The following ADAMTS16 variants were observed in gnomAD, a reference collection of about 807,000 sequenced individuals.
ADAMTS16 encodes A disintegrin and metalloproteinase with thrombospondin motifs 16.
ADAMTS16 carries 94 observed loss-of-function variants against 145.8 expected under a neutral mutation model. The ratio of observed to expected loss-of-function variants is 0.64; its 90% CI spans 0.55 to 0.77. The LOEUF (loss-of-function observed/expected upper bound fraction) is 0.77. ADAMTS16 is among the 30% of genes least tolerant of loss of function. The probability of loss-of-function intolerance (pLI) is 0.00; values close to 1 mark genes in which losing one functional copy is unlikely to be tolerated. For missense variants in ADAMTS16, 1,585 were observed against 1,591.5 expected (o/e 1.00, Z 0.07); for synonymous variants, 659 against 604.3 (o/e 1.09, Z -1.33).
intron 9 of ADAMTS16, among the ~76,000 whole-genome samples, chr5:5,204,781 G>C (rs550283739): frequency 5.9e-4 from 90 of 152,298 alleles, no homozygotes; most frequent in Non-Finnish European, 1.1e-3. Flanking sequence ...GTGTACATAG[G>C]AATGGAATTT....
chr5:5,318,774 T>C (rs1734158159), intron 22 of ADAMTS16, among the ~76,000 whole-genome samples: 1 of 152,096 alleles, frequency 6.6e-6, no homozygotes, highest in Non-Finnish European at 1.5e-5. Flanking sequence ...GAGGCTCCAA[T>C]GGGTAGATGC....
At chr5:5,231,522 A>G (rs894209313) in intron 11 of ADAMTS16, among the ~76,000 whole-genome samples, 13 of 152,012 alleles carry the variant, frequency 8.6e-5, no homozygotes, top group Non-Finnish European at 5.9e-5. Context: ...CCCACAGACC[A>G]AGCTCTTCTC....
intron 4 of ADAMTS16, 36 bp downstream of exon 4, chr5:5,182,341 T>G: frequency 6.3e-7 from 1 of 1,583,556 alleles, no homozygotes; most frequent in Non-Finnish European, 8.6e-7. Flanking sequence ...TATTTAGTGA[T>G]GCTGACATTT....
chr5:5,257,943 C>G (rs1335692146), intron 17 of ADAMTS16, among the ~76,000 whole-genome samples: 1 of 152,166 alleles, frequency 6.6e-6, no homozygotes, highest in East Asian at 1.9e-4. Flanking sequence ...GCTCATAAAA[C>G]TCAAGAAGCC....
intron 3 of ADAMTS16, among the ~76,000 whole-genome samples, chr5:5,154,702 C>T (rs1248248769): frequency 1.3e-5 from 2 of 152,092 alleles, no homozygotes; most frequent in African/African-American, 4.8e-5. Flanking sequence ...CTCTGTCCAG[C>T]GATGTTTTCA....
At chr5:5,261,042 G>A (rs563563672) in intron 17 of ADAMTS16, among the ~76,000 whole-genome samples, 2 of 152,262 alleles carry the variant, frequency 1.3e-5, no homozygotes, top group South Asian at 4.1e-4. Flanking sequence ...CTTCTTCATC[G>A]GTATTTCCAA....
At position 5,186,255 on chromosome 5, in the gene ADAMTS16, G is replaced by T; in HGVS notation, c.963+4G>T. 1 of 1,612,748 alleles carries T rather than the reference G, an allele frequency of 6.2e-7. No homozygotes were observed. On this transcript the variant is annotated splice_donor_region_variant and intron_variant, in intron 5 of 22. Transcript: ENST00000274181. ...CGTGCTCACGATACTCAACATGGTA[G>T]GATCATCCTTCCAGTTGAGGCCACC...
At chr5:5,160,756 C>T (rs62339871) in intron 3 of ADAMTS16, among the ~76,000 whole-genome samples, 4 of 76,458 alleles carry the variant, frequency 5.2e-5, no homozygotes, top group Non-Finnish European at 1.1e-4. Flanking sequence ...TAAAAATATA[C>T]CAAAAAAAAA....
At chr5:5,292,283 G>A (rs568088266) in intron 18 of ADAMTS16, among the ~76,000 whole-genome samples, 234 of 152,026 alleles carry the variant, frequency 1.5e-3, no homozygotes, top group African/African-American at 5.4e-3. Flanking sequence ...ATCACCTGAC[G>A]TCAGGAGTTT....
Position 5,163,201 on chromosome 5 carries a change from G to A in ADAMTS16, c.501+16746G>A, listed in dbSNP as rs182440534. ...CTTGCCAGGAACCATCCTTGTCAATGAGTGACAAGCATACACACTGCTATA... is the reference window on the plus strand; with the variant it reads ...CTTGCCAGGAACCATCCTTGTCAATAAGTGACAAGCATACACACTGCTATA... On this transcript the variant is annotated intron_variant, in intron 3 of 22. Coordinates refer to ENST00000274181, the MANE Select transcript of ADAMTS16 (RefSeq NM_139056.4). Among the ~76,000 whole-genome samples the A allele has an allele frequency of 9.2e-5, 14 of 152,290 alleles. No homozygotes were observed. The East Asian group carries it at 2.5e-3, about 27-fold the overall frequency.
At chr5:5,166,384 A>G (rs1278271302) in intron 3 of ADAMTS16, among the ~76,000 whole-genome samples, 1 of 152,166 alleles carries the variant, frequency 6.6e-6, no homozygotes, top group Non-Finnish European at 1.5e-5. Flanking sequence ...CTATCCGATG[A>G]CCACTGTGTG....
At chr5:5,275,069 A>G (rs1056072452) in intron 18 of ADAMTS16, among the ~76,000 whole-genome samples, 2 of 152,234 alleles carry the variant, frequency 1.3e-5, no homozygotes, top group African/African-American at 4.8e-5. Context: ...ATTACTGCAA[A>G]TGTGCTCATA....
At chr5:5,247,700 T>C (rs1737494785) in intron 17 of ADAMTS16, among the ~76,000 whole-genome samples, 1 of 152,192 alleles carries the variant, frequency 6.6e-6, no homozygotes, top group African/African-American at 2.4e-5. Flanking sequence ...GTCTGCAAAT[T>C]TGGAGCCCTA....
intron 18 of ADAMTS16, among the ~76,000 whole-genome samples, chr5:5,275,565 T>C (rs1237815908): frequency 6.6e-6 from 1 of 152,194 alleles, no homozygotes; most frequent in South Asian, 2.1e-4. Context: ...TTTCTCTTAG[T>C]TTTACTTTAC....
chr5:5,230,504 C>T (rs1736890804), intron 11 of ADAMTS16, among the ~76,000 whole-genome samples: 1 of 152,050 alleles, frequency 6.6e-6, no homozygotes, highest in Admixed American at 6.5e-5. Context: ...GTCTGGGAGT[C>T]AGTGTTGGGA....
In ADAMTS16 at chr5:5,317,913, G is replaced by A. The variant is rs1405767457; in HGVS notation, c.3412-221G>A. On this transcript the variant is annotated intron_variant, in intron 21 of 22. Coordinates refer to ENST00000274181, the MANE Select transcript of ADAMTS16 (RefSeq NM_139056.4). This position sits in a 1 kb window ranked among gnomAD's most constrained non-coding sequence, Gnocchi z 4.5. ...GTTTGGAATGCTCTGCTAGAGGCCTGGCCCAGCACATGCCTGGTGCTTGCT... is the reference window on the plus strand; with the variant it reads ...GTTTGGAATGCTCTGCTAGAGGCCTAGCCCAGCACATGCCTGGTGCTTGCT... 6.6e-6 allele frequency among the ~76,000 whole-genome samples: 1 copy of A among 152,210 alleles called. No individual in the cohort carries two copies. The highest frequency in any genetic ancestry group is 1.9e-4 in the East Asian group (1 of 5,186).
rs143874783 is a variant in ADAMTS16, at chr5:5,269,581, C to T, written c.2789+6798C>T. 1.1e-3 allele frequency among the ~76,000 whole-genome samples: 162 copies of T among 152,264 alleles called. No individual in the cohort carries two copies. The highest frequency in any genetic ancestry group is 3.4e-3 in the Middle Eastern group (1 of 294). On this transcript the variant is annotated intron_variant, in intron 18 of 22. Coordinates refer to ENST00000274181, the MANE Select transcript of ADAMTS16 (RefSeq NM_139056.4). The surrounding 1 kb of genome is among the most constrained non-coding windows in gnomAD (Gnocchi z 4.3). ...TCCTCTTGCCAGAATCTCCCTGTGC[C>T]TCCAACCCCGCTGCTCTGCCCTCCC... is the stretch of plus-strand genomic sequence containing the variant.
chr5:5,202,466 CCTG>C (rs1301545367), intron 9 of ADAMTS16, among the ~76,000 whole-genome samples: 1 of 152,012 alleles, frequency 6.6e-6, no homozygotes, highest in African/African-American at 2.4e-5. Flanking sequence ...TTTGTTTTTC[CCTG>C]CATGGTATTC....
In ADAMTS16 at chr5:5,290,128, G is replaced by C. The variant is rs552167708; in HGVS notation, c.2790-13140G>C. Among the ~76,000 whole-genome samples the C allele has an allele frequency of 3.3e-5, 5 of 152,280 alleles. No homozygotes were observed. The East Asian group carries it at 7.7e-4, about 24-fold the overall frequency. On this transcript the variant is annotated intron_variant, in intron 18 of 22. Transcript: ENST00000274181. ...ACATATTTCCTTTCTCAAGAAAATG[G>C]CTTGTCTTCAGGATAGCAAAATCTC...
Sources: gnomAD v4.1 joint callset for allele counts (sites outside exome capture counted in the v4.1 genomes callset) on GRCh38, gnomAD v4.1.1 for gene constraint, Gnocchi (gnomAD v3.1) non-coding constraint, MANE v1.5 for transcripts, NCBI Gene and HGNC (gene_info 2026-07-23, HGNC 2026-07-21) for gene names.